Variants in LMF1 observed in about 807,000 individuals in gnomAD.
The protein encoded by LMF1 is transmembrane protein 112.
LMF1 carries 68 observed loss-of-function variants against 60.6 expected under a neutral mutation model. That is an observed-to-expected ratio of 1.12 (90% CI 0.92 to 1.37). The LOEUF (loss-of-function observed/expected upper bound fraction) is 1.37, where lower values mean the gene tolerates loss of function less well. LMF1 is among the 40% of genes most tolerant of loss of function. The pLI, the probability that LMF1 is intolerant of heterozygous loss-of-function variation, is 0.00. For synonymous variants in LMF1, 418 were observed against 324.7 expected (o/e 1.29, Z -3.09); for missense variants, 948 against 767.2 (o/e 1.24, Z -2.78).
At chr16:975,156 T>A (rs2073111216), upstream of LMF1, among the ~76,000 whole-genome samples, 1 of 152,000 alleles carries the variant, frequency 6.6e-6, no homozygotes, top group African/African-American at 2.4e-5. Flanking sequence ...CCCTGCACCC[T>A]CGGCTACAGG....
intron 3 of LMF1, among the ~76,000 whole-genome samples, chr16:931,133 G>A (rs1159324494): frequency 6.6e-6 from 1 of 151,898 alleles, no homozygotes; most frequent in African/African-American, 2.4e-5. Flanking sequence ...AAAAAAAAAA[G>A]GTCTGGGACC....
At chr16:977,031 T>C (rs2073168381) in intron 1 of LMF1, 2 of 454,190 alleles carry the variant, frequency 4.4e-6, no homozygotes, top group Middle Eastern at 6.9e-4. Flanking sequence ...ACGTCTGGGC[T>C]GCAGGCAGAC....
At chr16:952,875 A>G (rs9931351) in intron 2 of LMF1, among the ~76,000 whole-genome samples, 11,168 of 74,988 alleles carry the variant, frequency 0.15, 141 homozygotes, top group African/African-American at 0.27. Flanking sequence ...CCAGCCTCCT[A>G]CACATCCACA....
At chr16:870,960 C>A in intron 7 of LMF1, 78 bp from the exon 8 acceptor site, 1 of 1,501,086 alleles carries the variant, frequency 6.7e-7, no homozygotes, top group Non-Finnish European at 8.9e-7. Flanking sequence ...CCAGCTGCTG[C>A]TCCCTAAGGG....
chr16:954,814 T>C (rs1287224233), intron 1 of LMF1, 148 bp from the exon 2 acceptor site: 6 of 710,400 alleles, frequency 8.4e-6, no homozygotes, highest in East Asian at 2.7e-5. Context: ...GACTCAGGAG[T>C]CTGAGTACTT....
intron 4 of LMF1, chr16:903,592 G>A (rs28709218): frequency 0.13 from 8,568 of 63,626 alleles, 72 homozygotes; most frequent in African/African-American, 0.33. Context: ...TCTGCTGCGT[G>A]GTGGTGACCT....
At chr16:974,221 T>C (rs2073094116), upstream of LMF1, among the ~76,000 whole-genome samples, 1 of 152,184 alleles carries the variant, frequency 6.6e-6, no homozygotes, top group South Asian at 2.1e-4. Flanking sequence ...GGCACTTCAC[T>C]TAAAAACAGG....
intron 10 of LMF1, among the ~76,000 whole-genome samples, chr16:856,817 G>A (rs1258047208): frequency 6.6e-6 from 1 of 152,188 alleles, no homozygotes; most frequent in Non-Finnish European, 1.5e-5. Context: ...GAAAATAGGG[G>A]ATCTCCCAGC....
chr16:948,936 CAG>C (rs775524321), intron 2 of LMF1, among the ~76,000 whole-genome samples: 13 of 69,784 alleles, frequency 1.9e-4, no homozygotes, highest in African/African-American at 1.3e-3. Context: ...ACGACAGAGT[CAG>C]AGCCAAGGAC....
At chr16:911,205 A>C (rs1897308228) in intron 3 of LMF1, 126 bp from the exon 4 acceptor site, 1 of 1,071,962 alleles carries the variant, frequency 9.3e-7, no homozygotes, top group Admixed American at 2.0e-5. Flanking sequence ...ACTGAGAGAC[A>C]CCAGCCCGCA....
chr16:945,158 C>A (rs1362797774), intron 2 of LMF1, among the ~76,000 whole-genome samples: 1 of 143,978 alleles, frequency 6.9e-6, no homozygotes, highest in Non-Finnish European at 1.5e-5. Flanking sequence ...CTGCAATGGA[C>A]CGAGTTCGCA....
chr16:940,416 T>C (rs2072069961), intron 2 of LMF1, among the ~76,000 whole-genome samples: 1 of 151,514 alleles, frequency 6.6e-6, no homozygotes, highest in Non-Finnish European at 1.5e-5. Flanking sequence ...CAGCATATCA[T>C]GGAGGACAAG....
At chr16:933,758 T>C (rs1263950769) in intron 3 of LMF1, 3 of 362,150 alleles carry the variant, frequency 8.3e-6, no homozygotes, top group East Asian at 1.5e-4. Context: ...CCCTGTCCTG[T>C]CCACTGGGTG....
intron 3 of LMF1, among the ~76,000 whole-genome samples, chr16:915,484 A>T (rs1234613137): frequency 6.6e-6 from 1 of 152,182 alleles, no homozygotes; most frequent in Non-Finnish European, 1.5e-5. Flanking sequence ...CTGCCACTGA[A>T]GAACCAGAAG....
At chr16:876,630 C>T (rs974647983) in intron 6 of LMF1, among the ~76,000 whole-genome samples, 7 of 151,994 alleles carry the variant, frequency 4.6e-5, no homozygotes, top group Admixed American at 1.3e-4. Flanking sequence ...ATTAATAAAA[C>T]GAAACAGAGC....
chr16:974,079 G>A (rs2073092037), upstream of LMF1, among the ~76,000 whole-genome samples: 2 of 151,628 alleles, frequency 1.3e-5, no homozygotes, highest in South Asian at 4.2e-4. Context: ...TTTCAGAATC[G>A]CCCGGAAGGC....
rs1190639946 is a variant in LMF1 at position 949,905 on chromosome 16, G to A, written c.503+4452C>T. Among the ~76,000 whole-genome samples the A allele has an allele frequency of 1.8e-5, 2 of 110,000 alleles. 1 individual carries two copies. Among genetic ancestry groups the A allele is most frequent in the Non-Finnish European group, 3.5e-5 (2 of 57,734 alleles). 72.2% of individuals were successfully genotyped at this position (110,000 alleles called of 152,430 possible). A position where few individuals can be genotyped will look rare whatever the true frequency, so the allele number is the denominator to read the frequency against. ...AACGACAGAATCAGAGACAACGACA[G>A]AGTCAGCCAACGACAGAGTCAGAGC... On this transcript the variant is annotated intron_variant, in intron 2 of 10. Coordinates refer to ENST00000262301, the MANE Select transcript of LMF1 (RefSeq NM_022773.4).
chr16:921,281 C>G (rs1005799209), intron 3 of LMF1: 1 of 152,266 alleles, frequency 6.6e-6, no homozygotes, highest in African/African-American at 2.4e-5. Flanking sequence ...ATTCTGTTCC[C>G]CTTTTCAGAC....
chr16:869,373 G>A, intron 9 of LMF1: 2 of 609,704 alleles, frequency 3.3e-6, no homozygotes, highest in Non-Finnish European at 6.1e-6. Context: ...ACGGGACCGG[G>A]AGGACAGAAA....
Sources: allele counts gnomAD v4.1 joint callset (sites outside exome capture counted in the v4.1 genomes callset), GRCh38; gene constraint gnomAD v4.1.1; transcripts MANE v1.5; gene names NCBI Gene and HGNC (gene_info 2026-07-23, HGNC 2026-07-21).